Variants in ITGA11 observed in about 807,000 individuals in gnomAD.
The protein encoded by ITGA11 is integrin alpha-11.
A neutral mutation model predicts 141.9 loss-of-function variants in ITGA11; 97 were observed. The observed-to-expected ratio is 0.68, with a 90% CI of 0.58 to 0.81. The LOEUF (loss-of-function observed/expected upper bound fraction) is 0.81, where lower values mean the gene tolerates loss of function less well. ITGA11 is among the 30% of genes least tolerant of loss of function. ITGA11 has a pLI of 0.00. For missense variants in ITGA11, 1,387 were observed against 1,559.2 expected, an observed-to-expected ratio of 0.89 and a Z score of 1.86; for synonymous variants, 658 against 624.6, an observed-to-expected ratio of 1.05 and a Z score of -0.80.
At chr15:68,363,580 C>G (rs2140352201) in intron 4 of ITGA11, among the ~76,000 whole-genome samples, 1 of 152,276 alleles carries the variant, frequency 6.6e-6, no homozygotes, top group East Asian at 1.9e-4. Flanking sequence ...ATTCATGCCC[C>G]AGATGTCTCA....
chr15:68,428,540 A>G (rs750364898), intron 1 of ITGA11, among the ~76,000 whole-genome samples: 1 of 152,100 alleles, frequency 6.6e-6, no homozygotes, highest in Non-Finnish European at 1.5e-5. Context: ...TGCTTGTGAT[A>G]TGGAAAGATC....
At position 68,320,360 on chromosome 15, in the gene ITGA11, G is replaced by T. The variant is rs753278896; in HGVS notation, c.2441C>A (p.Ala814Glu). The part of the protein sequence containing the change: ...EYCQRVLRKP[A>E]QDCSAYTLSF... ...CAGCGTGTATGCGGAGCAGTCCTGC[G>T]CAGGCTTCCTCAGCACCCTCTGGCA... Residue 814 changes from alanine (A) to glutamate (E), a missense_variant, in exon 20 of 30, where the codon GCG becomes GAG. Transcript: ENST00000315757. 1.9e-6 allele frequency: 3 copies of T among 1,605,832 alleles called. No individual in the cohort carries two copies. Among genetic ancestry groups the T allele is most frequent in the South Asian group, 1.1e-5 (1 of 89,624 alleles).
chr15:68,351,658 G>T (rs1353908140), intron 7 of ITGA11, among the ~76,000 whole-genome samples: 1 of 152,134 alleles, frequency 6.6e-6, no homozygotes, highest in Non-Finnish European at 1.5e-5. Context: ...TCCTGACCTT[G>T]CTGTTTTGGA....
rs201855561 is a variant in ITGA11 at position 68,335,707 on chromosome 15, C to T, written c.1415G>A (p.Arg472Gln). ...NRSLTIHQAM[R>Q]GQQIGSYFGS... ...CTCCCCCTCCATTACCTGCTGGCCC[C>T]GCATAGCCTGGTGGATGGTGAGGCT... Residue 472 changes from arginine to glutamine, a missense_variant, in exon 12 of 30, where the codon CGG (arginine) becomes CAG (glutamine). Transcript: ENST00000315757. The surrounding 1 kb of genome is among the most constrained non-coding windows in gnomAD (Gnocchi z 4.9). 6.0e-4 allele frequency: 971 copies of T among 1,613,638 alleles called. 2 individuals are homozygous for T. The Middle Eastern group carries it at 6.1e-3, about 10-fold the overall frequency.
chr15:68,332,447 G>A lies in ITGA11; in HGVS notation c.1457C>T (p.Ser486Leu), dbSNP rs766812377. The change falls in exon 13 of 30, where the codon TCG becomes TTG. Residue 486 changes from serine (S) to leucine (L), a missense_variant. Ser to Leu is a moderately radical substitution (Grantham distance 145). Coordinates refer to ENST00000315757, the MANE Select transcript of ITGA11 (RefSeq NM_001004439.2). Reference sequence around the variant, plus strand: ...CACGCCGTCGCCGTCGATGTCCACCGAGGTGATTTCACTCCCAAAGTAAGA... The same window carrying A: ...CACGCCGTCGCCGTCGATGTCCACCAAGGTGATTTCACTCCCAAAGTAAGA... ...IGSYFGSEIT[S>L]VDIDGDGVTD... 1.9e-6 allele frequency: 3 copies of A among 1,612,076 alleles called. No individual in the cohort carries two copies. The highest frequency in any genetic ancestry group is 1.7e-5 in the Admixed American group (1 of 59,852).
At chr15:68,329,472 G>A (rs988410771) in intron 15 of ITGA11, among the ~76,000 whole-genome samples, 5 of 152,208 alleles carry the variant, frequency 3.3e-5, no homozygotes, top group Non-Finnish European at 7.3e-5. Flanking sequence ...TCTTCCCAGA[G>A]GGCTCTCGCC....
chr15:68,346,425 A>G (rs909199981), intron 10 of ITGA11, among the ~76,000 whole-genome samples: 7 of 152,190 alleles, frequency 4.6e-5, no homozygotes, highest in Non-Finnish European at 8.8e-5. Flanking sequence ...ATTCCTAGGC[A>G]GACACAGATC....
At chr15:68,349,386 G>A (rs999866281) in intron 9 of ITGA11, among the ~76,000 whole-genome samples, 3 of 152,148 alleles carry the variant, frequency 2.0e-5, no homozygotes, top group South Asian at 2.1e-4. Context: ...GCAGATTTGC[G>A]TAAGAAATCC....
intron 2 of ITGA11, among the ~76,000 whole-genome samples, chr15:68,377,760 TTAA>T (rs1310279914): frequency 1.3e-5 from 2 of 152,242 alleles, no homozygotes; most frequent in African/African-American, 4.8e-5. Flanking sequence ...TATTTCTGTG[TTAA>T]TATCTATCAA....
At chr15:68,368,783 T>C (rs1895501296) in intron 3 of ITGA11, among the ~76,000 whole-genome samples, 1 of 152,054 alleles carries the variant, frequency 6.6e-6, no homozygotes, top group Non-Finnish European at 1.5e-5. Context: ...GCCTCACACA[T>C]GGTGAACATT....
At chr15:68,403,828 G>A (rs895382219) in intron 1 of ITGA11, among the ~76,000 whole-genome samples, 6 of 152,002 alleles carry the variant, frequency 3.9e-5, no homozygotes, top group Non-Finnish European at 7.4e-5. Context: ...AGTAGAGACA[G>A]GGTTTCACCA....
At chr15:68,394,595 C>A (rs1256510467) in intron 2 of ITGA11, among the ~76,000 whole-genome samples, 1 of 151,446 alleles carries the variant, frequency 6.6e-6, no homozygotes, top group East Asian at 1.9e-4. Context: ...AGAATAGAAA[C>A]CAATGAATGA....
intron 11 of ITGA11, among the ~76,000 whole-genome samples, chr15:68,338,863 C>A (rs1291376680): frequency 6.6e-6 from 1 of 152,184 alleles, no homozygotes; most frequent in Non-Finnish European, 1.5e-5. Context: ...AACATCACCC[C>A]CCTTGCCGCC....
chr15:68,368,568 C>T (rs28634234), intron 3 of ITGA11, among the ~76,000 whole-genome samples: 4 of 152,300 alleles, frequency 2.6e-5, no homozygotes, highest in South Asian at 2.1e-4. Context: ...AGCTCTTTGG[C>T]GAGGAAAAGC....
chr15:68,362,665 TAAATGGATGGA>T (rs1287742888), intron 4 of ITGA11, among the ~76,000 whole-genome samples: 2 of 151,468 alleles, frequency 1.3e-5, no homozygotes, highest in African/African-American at 2.4e-5. Context: ...GATGGATGGA[TAAATGGATGGA>T]AGATGGATGG....
intron 7 of ITGA11, 35 bp from the exon 8 acceptor site, chr15:68,351,437 G>A (rs1351322268): frequency 1.2e-6 from 2 of 1,609,456 alleles, no homozygotes; most frequent in East Asian, 4.5e-5. Flanking sequence ...GTCATGAAAG[G>A]TAAGTGGGAT....
In ITGA11 at chr15:68,297,385, T is replaced by G. The variant is rs766172441; in HGVS notation, c.*5674A>C. 1.1e-4 allele frequency: 16 copies of G among 151,932 alleles called. No individual in the cohort carries two copies. The highest frequency in any genetic ancestry group is 5.9e-5 in the Non-Finnish European group (4 of 67,980). 9.4% of individuals were successfully genotyped at this position (151,932 alleles called of 1,614,324 possible). ...TGTTAAGAGATTATTTCGTTTAGCATTGAATTAATAGATTTAGGGACATCT... is the reference window on the plus strand; with the variant it reads ...TGTTAAGAGATTATTTCGTTTAGCAGTGAATTAATAGATTTAGGGACATCT... On this transcript the variant is annotated 3_prime_UTR_variant, in exon 30 of 30. Coordinates refer to ENST00000315757, the MANE Select transcript of ITGA11 (RefSeq NM_001004439.2).
chr15:68,311,260 C>T, intron 25 of ITGA11, 30 bp downstream of exon 25: 3 of 1,480,636 alleles, frequency 2.0e-6, no homozygotes, highest in Admixed American at 2.0e-5. Flanking sequence ...CTGGTCCCCT[C>T]CCCTAGCCGG....
chr15:68,350,538 G>A, intron 9 of ITGA11, 79 bp downstream of exon 9: 1 of 1,378,830 alleles, frequency 7.3e-7, no homozygotes, highest in East Asian at 2.4e-5. Context: ...TCGTTTTGTG[G>A]GATTGGTTTG....
Sources: allele counts gnomAD v4.1 joint callset (sites outside exome capture counted in the v4.1 genomes callset), GRCh38; gene constraint gnomAD v4.1.1; non-coding constraint Gnocchi (gnomAD v3.1); transcripts MANE v1.5; gene names NCBI Gene and HGNC (gene_info 2026-07-23, HGNC 2026-07-21).